The following GALNTL6 variants were observed in gnomAD, a reference collection of about 807,000 sequenced individuals.
GALNTL6 encodes the protein polypeptide N-acetylgalactosaminyltransferase-like 6.
A neutral mutation model predicts 73.7 loss-of-function variants in GALNTL6; 46 were observed. The observed-to-expected ratio is 0.62, with a 90% confidence interval of 0.49 to 0.80. GALNTL6 has a LOEUF of 0.80. Ranked by LOEUF, GALNTL6 falls within the 30% of genes least tolerant of loss-of-function variation. The pLI is 0.00. For missense variants in GALNTL6, 604 were observed against 755.0 expected (o/e 0.80, Z 2.34); for synonymous variants, 259 against 263.7 (o/e 0.98, Z 0.17).
chr4:172,488,366 G>T (rs1216882647), intron 5 of GALNTL6, among the ~76,000 whole-genome samples: 1 of 152,194 alleles, frequency 6.6e-6, no homozygotes, highest in African/African-American at 2.4e-5. Flanking sequence ...GATGGCCAGG[G>T]CCTCACCTGG....
At chr4:172,877,474 A>G (rs1353302355) in intron 7 of GALNTL6, among the ~76,000 whole-genome samples, 1 of 152,098 alleles carries the variant, frequency 6.6e-6, no homozygotes, top group East Asian at 1.9e-4. Flanking sequence ...TGAAAAATGC[A>G]TTCACAAATG....
chr4:171,864,457 C>A (rs1405636962), intron 2 of GALNTL6, among the ~76,000 whole-genome samples: 2 of 152,124 alleles, frequency 1.3e-5, no homozygotes, highest in African/African-American at 4.8e-5. Flanking sequence ...AATTTTATTT[C>A]AGGGTACATA....
intron 10 of GALNTL6, among the ~76,000 whole-genome samples, chr4:172,970,515 C>T (rs1275080730): frequency 1.3e-5 from 2 of 152,174 alleles, no homozygotes; most frequent in Non-Finnish European, 2.9e-5. Context: ...CGATATCTCT[C>T]CTACTTACAT....
At chr4:172,403,609 A>G (rs1744115812) in intron 5 of GALNTL6, among the ~76,000 whole-genome samples, 2 of 152,092 alleles carry the variant, frequency 1.3e-5, no homozygotes, top group Admixed American at 1.3e-4. Context: ...AGTATGTACA[A>G]TATACATCAT....
intron 5 of GALNTL6, among the ~76,000 whole-genome samples, chr4:172,492,193 T>A (rs1045403347): frequency 3.3e-5 from 5 of 152,184 alleles, no homozygotes; most frequent in Non-Finnish European, 7.4e-5. Flanking sequence ...TTTATGTAGA[T>A]CCCCAAAATA....
intron 4 of GALNTL6, among the ~76,000 whole-genome samples, chr4:172,327,911 G>A (rs547517250): frequency 7.2e-5 from 11 of 152,078 alleles, no homozygotes; most frequent in South Asian, 2.1e-4. Flanking sequence ...GATATGTGTC[G>A]ATATGATTCT....
chr4:172,612,704 AT>A (rs1738573853), intron 5 of GALNTL6, among the ~76,000 whole-genome samples: 1 of 152,098 alleles, frequency 6.6e-6, no homozygotes, highest in East Asian at 1.9e-4. Flanking sequence ...CCTAAAATTT[AT>A]TTTTCCTTCT....
chr4:173,020,945 C>T lies in GALNTL6; in HGVS notation c.1489-531C>T, dbSNP rs374652551. Reference sequence around the variant, plus strand: ...AAAATTAGCCAGGCGTGGTGGCGTGCGCCTGTAATCCCAGCTACTCGGGAG... The same window carrying T: ...AAAATTAGCCAGGCGTGGTGGCGTGTGCCTGTAATCCCAGCTACTCGGGAG... On this transcript the variant is annotated intron_variant, in intron 11 of 12. Coordinates refer to ENST00000506823, the MANE Select transcript of GALNTL6 (RefSeq NM_001034845.3). 1.1e-3 allele frequency among the ~76,000 whole-genome samples: 169 copies of T among 152,116 alleles called. 1 individual carries two copies. Among genetic ancestry groups the T allele is most frequent in the African/African-American group, 3.6e-3 (149 of 41,502 alleles).
At chr4:173,000,356 A>C (rs1256771315) in intron 10 of GALNTL6, among the ~76,000 whole-genome samples, 1 of 152,212 alleles carries the variant, frequency 6.6e-6, no homozygotes, top group Non-Finnish European at 1.5e-5. Context: ...ACATTTAACA[A>C]ATGGGTCTAA....
intron 2 of GALNTL6, among the ~76,000 whole-genome samples, chr4:171,940,934 A>G (rs936525320): frequency 2.6e-5 from 4 of 151,810 alleles, no homozygotes; most frequent in African/African-American, 9.7e-5. Flanking sequence ...ATATAATACA[A>G]TAAGGTTTTA....
chr4:172,532,671 T>A (rs1352421120), intron 5 of GALNTL6, among the ~76,000 whole-genome samples: 1 of 152,252 alleles, frequency 6.6e-6, no homozygotes, highest in Non-Finnish European at 1.5e-5. Context: ...AGTTACTTCA[T>A]GTTTGAACTT....
intron 2 of GALNTL6, among the ~76,000 whole-genome samples, chr4:171,919,355 A>T (rs554921625): frequency 6.6e-6 from 1 of 151,966 alleles, no homozygotes; most frequent in East Asian, 1.9e-4. Context: ...TTCAGGGTTG[A>T]CTCTCTATGA....
chr4:172,611,956 C>G (rs1738541945), intron 5 of GALNTL6, among the ~76,000 whole-genome samples: 1 of 152,034 alleles, frequency 6.6e-6, no homozygotes, highest in Non-Finnish European at 1.5e-5. Flanking sequence ...GATTTTAAAC[C>G]TTGACTTCTT....
At chr4:172,292,920 T>G (rs984053668) in intron 3 of GALNTL6, among the ~76,000 whole-genome samples, 1 of 152,164 alleles carries the variant, frequency 6.6e-6, no homozygotes, top group East Asian at 1.9e-4. Flanking sequence ...ATTGAAAGTT[T>G]GTGAGACATA....
chr4:172,321,286 A>C (rs2111164219), intron 4 of GALNTL6, among the ~76,000 whole-genome samples: 1 of 152,314 alleles, frequency 6.6e-6, no homozygotes, highest in East Asian at 1.9e-4. Context: ...TTACTAAAAA[A>C]ATAAACAAGC....
chr4:172,273,780 G>C (rs1490104311), intron 3 of GALNTL6, among the ~76,000 whole-genome samples: 3 of 152,170 alleles, frequency 2.0e-5, no homozygotes, highest in Non-Finnish European at 4.4e-5. Context: ...GGATTAGCAG[G>C]ACAACAAGAT....
intron 2 of GALNTL6, among the ~76,000 whole-genome samples, chr4:172,084,118 G>A (rs1731960360): frequency 6.6e-6 from 1 of 152,174 alleles, no homozygotes; most frequent in South Asian, 2.1e-4. Context: ...GACAAAGGCT[G>A]TGAAAAAATT....
intron 2 of GALNTL6, among the ~76,000 whole-genome samples, chr4:171,937,592 G>T (rs1738390649): frequency 6.6e-6 from 1 of 151,974 alleles, no homozygotes; most frequent in African/African-American, 2.4e-5. Context: ...AAAAATCTTT[G>T]TTCTCTTATT....
At chr4:171,824,999 A>G (rs1734784817) in intron 2 of GALNTL6, among the ~76,000 whole-genome samples, 1 of 152,152 alleles carries the variant, frequency 6.6e-6, no homozygotes, top group African/African-American at 2.4e-5. Context: ...AACGAATGCT[A>G]TTTTGATGAC....
Sources: allele counts gnomAD v4.1 joint callset (sites outside exome capture counted in the v4.1 genomes callset), GRCh38; gene constraint gnomAD v4.1.1; transcripts MANE v1.5; gene names NCBI Gene and HGNC (gene_info 2026-07-23, HGNC 2026-07-21).